Variants in ZNF699 observed in about 807,000 individuals in gnomAD.
ZNF699 encodes the protein hangover homolog.
In ZNF699, 18 loss-of-function variants were observed where a neutral mutation model predicts 22.5. The observed-to-expected ratio is 0.80, with a 90% CI of 0.55 to 1.19. The LOEUF (loss-of-function observed/expected upper bound fraction) is 1.19, where lower values mean the gene tolerates loss of function less well. ZNF699 is among the 50% of genes most tolerant of loss of function. ZNF699 has a pLI of 0.00. For synonymous variants in ZNF699, 241 were observed against 262.3 expected, an observed-to-expected ratio of 0.92 and a Z score of 0.78; for missense variants, 670 against 763.4, an observed-to-expected ratio of 0.88 and a Z score of 1.44.
chr19:9,304,217 C>T (rs1206538274), intron 2 of ZNF699, among the ~76,000 whole-genome samples: 3 of 152,104 alleles, frequency 2.0e-5, no homozygotes, highest in Non-Finnish European at 4.4e-5. Flanking sequence ...GAGAAAAATG[C>T]TCTGGAAATG....
In ZNF699 at chr19:9,296,222, C is replaced by T; in HGVS notation, c.1182G>A (p.Lys394=). 1 of 1,613,864 alleles carries T rather than the reference C, an allele frequency of 6.2e-7. No homozygotes were observed. The highest frequency in any genetic ancestry group is 8.5e-7 in the Non-Finnish European group (1 of 1,179,930). Reference sequence around the variant, plus strand: ...GACAATTGTAGGCTTTCCCACATTCCTTACATTTATAGGGTTTCTCTCCAG... The same window carrying T: ...GACAATTGTAGGCTTTCCCACATTCTTTACATTTATAGGGTTTCTCTCCAG... ...THTGEKPYKC[K]ECGKAYNCPS... The change falls in exon 6 of 6, where the codon AAG becomes AAA. Residue 394 remains lysine (K), a synonymous_variant. Transcript: ENST00000591998.
chr19:9,298,146 T>TA (rs869268747), intron 3 of ZNF699, among the ~76,000 whole-genome samples, 156 bp from the exon 4 acceptor site: 1 of 127,164 alleles, frequency 7.9e-6, no homozygotes, highest in African/African-American at 2.6e-5. Context: ...TTTTTTTTTT[T>TA]AAAAAAAGGA....
rs963034957 is a variant in ZNF699 at position 9,293,523 on chromosome 19, A to T, written c.*1952T>A. Among the ~76,000 whole-genome samples, 4 of 152,228 alleles carry T rather than the reference A, an allele frequency of 2.6e-5. No individual in the cohort carries two copies. The highest frequency in any genetic ancestry group is 2.6e-4 in the Admixed American group (4 of 15,290). ...AACCACACATTATGTTGAGCAAAAG[A>T]AGTCAAAACACATAACTGTATATAT... On this transcript the variant is annotated 3_prime_UTR_variant, in exon 6 of 6. Transcript: ENST00000591998.
intron 2 of ZNF699, 138 bp downstream of exon 2, chr19:9,304,934 A>G (rs559309433): frequency 4.9e-6 from 3 of 606,334 alleles, no homozygotes; most frequent in East Asian, 6.5e-5. Context: ...AAAAAAAAAA[A>G]AAAAAACTAT....
rs141953317 is a variant in ZNF699 at position 9,297,745 on chromosome 19, G to A, written c.286+135C>T. On this transcript the variant is annotated intron_variant, in intron 4 of 5. Transcript: ENST00000591998. The surrounding 1 kb of genome is among the most constrained non-coding windows in gnomAD (Gnocchi z 4.3). ...AGAACAAGGAAAATGCGAGAGGACT[G>A]ATAAAAAGTCAAAATAGTCATCTGA... is the stretch of plus-strand genomic sequence containing the variant. The A allele has an allele frequency of 8.6e-4, 597 of 690,202 alleles. 3 individuals are homozygous for A. In the African/African-American group the frequency reaches 9.7e-3, roughly 11 times the overall value. The allele number at this position is 690,202 out of a possible 1,614,324, so 42.8% of individuals were successfully genotyped here. A position where few individuals can be genotyped will look rare whatever the true frequency, so the allele number is the denominator to read the frequency against.
chr19:9,300,040 C>T (rs1022258118), intron 3 of ZNF699, among the ~76,000 whole-genome samples: 2 of 151,954 alleles, frequency 1.3e-5, no homozygotes, highest in African/African-American at 2.4e-5. Context: ...AAATCCTGAA[C>T]ATTCACAACA....
Position 9,293,275 on chromosome 19 carries a change from G to T in ZNF699, c.*2200C>A, listed in dbSNP as rs1248687734. 5.9e-5 allele frequency among the ~76,000 whole-genome samples: 9 copies of T among 151,902 alleles called. No homozygotes were observed. Among genetic ancestry groups the T allele is most frequent in the Admixed American group, 5.9e-4 (9 of 15,254 alleles). The stretch of plus-strand genomic sequence containing the variant: ...TCAGGTAAATGCACACTGTCTGCTG[G>T]ATGACTATAATCAGAAAGAGCTGGA... On this transcript the variant is annotated 3_prime_UTR_variant, in exon 6 of 6. Coordinates refer to ENST00000591998, the MANE Select transcript of ZNF699 (RefSeq NM_198535.3).
rs182132722 is a variant in ZNF699, at chr19:9,302,149, G to A, written c.175+229C>T. ...ACTCCTGACCTCAGGTGATCCACCC[G>A]CCTTAGCCTCCCAAAATGCTGGGAT... On this transcript the variant is annotated intron_variant, in intron 3 of 5. Coordinates refer to ENST00000591998, the MANE Select transcript of ZNF699 (RefSeq NM_198535.3). Among the ~76,000 whole-genome samples the A allele has an allele frequency of 1.8e-4, 27 of 152,142 alleles. No individual in the cohort carries two copies. In the East Asian group the frequency reaches 3.7e-3, roughly 21 times the overall value.
Position 9,300,140 on chromosome 19 carries a change from G to A in ZNF699, c.176-2150C>T, listed in dbSNP as rs985900561. On this transcript the variant is annotated intron_variant, in intron 3 of 5. Transcript: ENST00000591998. ...CTGTCGCCCAGGCTGGAGTGCAGTG[G>A]TGTGATCTCAGCTCACTGCAAGCTC... Among the ~76,000 whole-genome samples, 14 of 152,266 alleles carry A rather than the reference G, an allele frequency of 9.2e-5. No homozygotes were observed. In the East Asian group the frequency reaches 2.5e-3, roughly 27 times the overall value.
chr19:9,307,236 A>C (rs2066330844), intron 1 of ZNF699, among the ~76,000 whole-genome samples: 1 of 152,182 alleles, frequency 6.6e-6, no homozygotes, highest in South Asian at 2.1e-4. Flanking sequence ...CAAATATGTT[A>C]TCTTTGAGCT....
Position 9,295,048 on chromosome 19 carries a change from A to C in ZNF699, c.*427T>G, listed in dbSNP as rs1360353615. On this transcript the variant is annotated 3_prime_UTR_variant, in exon 6 of 6. Transcript: ENST00000591998. ...TTTTTAAAAAAGACCACTGCTGCCT[A>C]TACAGAAAAAATATTTCGTGTCCTC... is the stretch of plus-strand genomic sequence containing the variant. The C allele has an allele frequency of 6.1e-6, 1 of 165,056 alleles. No homozygotes were observed. The highest frequency in any genetic ancestry group is 1.3e-5 in the Non-Finnish European group (1 of 76,658). 10.2% of individuals were successfully genotyped at this position (165,056 alleles called of 1,614,324 possible).
rs1171579370 is a variant in ZNF699 at position 9,296,442 on chromosome 19, G to A, written c.962C>T (p.Ser321Leu). 5.0e-6 allele frequency: 8 copies of A among 1,613,056 alleles called. No individual in the cohort carries two copies. In the Admixed American group the frequency reaches 1.3e-4, roughly 27 times the overall value. The change falls in exon 6 of 6, where the codon TCA becomes TTA. Residue 321 changes from serine (S) to leucine (L), a missense_variant. By Grantham distance (145) the Ser-to-Leu change is moderately radical. Transcript: ENST00000591998. Reference sequence around the variant, plus strand: ...GTGAATTCTTTTGTGTTTGGAGAGTGAGGAGGAACAACTGAAGGCCTTCCC... The same window carrying A: ...GTGAATTCTTTTGTGTTTGGAGAGTAAGGAGGAACAACTGAAGGCCTTCCC... ...ECGKAFSCSS[S>L]LSKHKRIHSG...
rs560349583 is a variant in ZNF699, at chr19:9,295,414, A to T, written c.*61T>A. 2 of 1,527,440 alleles carry T rather than the reference A, an allele frequency of 1.3e-6. No homozygotes were observed. The highest frequency in any genetic ancestry group is 2.6e-5 in the South Asian group (2 of 77,038). The allele number at this position is 1,527,440 out of a possible 1,614,324, so 94.6% of individuals were successfully genotyped here. On this transcript the variant is annotated 3_prime_UTR_variant, in exon 6 of 6. Transcript: ENST00000591998. ...TACATTCATAGGGTGTCTCCACAGT[A>T]TGAGATCTCACATGTTGCCTAGGAT...
intron 3 of ZNF699, among the ~76,000 whole-genome samples, chr19:9,299,325 G>A (rs1399297284): frequency 6.6e-6 from 1 of 152,076 alleles, no homozygotes; most frequent in Non-Finnish European, 1.5e-5. Flanking sequence ...TAGTAGAGAC[G>A]GGGTTACACC....
At chr19:9,304,992 G>T in intron 2 of ZNF699, 80 bp downstream of exon 2, 1 of 1,084,682 alleles carries the variant, frequency 9.2e-7, no homozygotes. Context: ...GAAAGAGATT[G>T]CTGGCTTGTG....
In ZNF699 at chr19:9,293,067, C is replaced by T. The variant is rs910208617; in HGVS notation, c.*2408G>A. 2.7e-5 allele frequency among the ~76,000 whole-genome samples: 4 copies of T among 146,774 alleles called. No individual in the cohort carries two copies. The highest frequency in any genetic ancestry group is 5.9e-5 in the Non-Finnish European group (4 of 67,442). ...AGGAGAATCACTTGAACCCAGGAAG[C>T]GGAGATTGCAGTGAGCAAGATCACG... On this transcript the variant is annotated 3_prime_UTR_variant, in exon 6 of 6. Transcript: ENST00000591998.
intron 1 of ZNF699, among the ~76,000 whole-genome samples, chr19:9,306,587 G>A (rs934933016): frequency 6.6e-6 from 1 of 152,212 alleles, no homozygotes; most frequent in Non-Finnish European, 1.5e-5. Context: ...ACCCTGATGT[G>A]AGAATGACTT....
Position 9,309,592 on chromosome 19 carries a change from T to C in ZNF699, c.-248A>G, listed in dbSNP as rs1406468180. 6.6e-6 allele frequency: 1 copy of C among 152,380 alleles called. No individual in the cohort carries two copies. Among genetic ancestry groups the C allele is most frequent in the African/African-American group, 2.4e-5 (1 of 41,462 alleles). The allele number at this position is 152,380 out of a possible 1,614,324, so 9.4% of individuals were successfully genotyped here. A position where few individuals can be genotyped will look rare whatever the true frequency, so the allele number is the denominator to read the frequency against. On this transcript the variant is annotated 5_prime_UTR_variant, in exon 1 of 6. Transcript: ENST00000591998. ...GACCAGCCGCGGCCACAGGGGCAGC[T>C]GACCCGGGCTCTCTGAGGAGGCGCC...
intron 1 of ZNF699, among the ~76,000 whole-genome samples, chr19:9,306,835 T>C (rs895767973): frequency 7.2e-5 from 11 of 152,342 alleles, no homozygotes; most frequent in African/African-American, 2.6e-4. Context: ...TTAAGCCCCT[T>C]ATTCCCTAGT....
Sources: gnomAD v4.1 joint callset for allele counts (sites outside exome capture counted in the v4.1 genomes callset) on GRCh38, gnomAD v4.1.1 for gene constraint, Gnocchi (gnomAD v3.1) non-coding constraint, MANE v1.5 for transcripts, NCBI Gene and HGNC (gene_info 2026-07-23, HGNC 2026-07-21) for gene names.